WFDC10B: variants seen among roughly 807,000 people sequenced by gnomAD.
The protein encoded by WFDC10B is protein WFDC10B.
In WFDC10B, 1 loss-of-function variant was observed where a neutral mutation model predicts 2.7. The ratio of observed to expected loss-of-function variants is 0.38; its 90% confidence interval spans 0.13 to 1.79. The LOEUF (loss-of-function observed/expected upper bound fraction) is 1.79. Among genes scored for constraint, WFDC10B ranks in the 40% most tolerant of loss-of-function variants. The pLI, the probability that WFDC10B is intolerant of heterozygous loss-of-function variation, is 0.33. For missense variants in WFDC10B, 71 were observed against 87.8 expected (o/e 0.81, Z 0.76); for synonymous variants, 26 against 32.2 (o/e 0.81, Z 0.65).
intron 2 of WFDC10B, among the ~76,000 whole-genome samples, chr20:45,703,371 A>T (rs1175714368): frequency 6.6e-6 from 1 of 152,128 alleles, no homozygotes. Flanking sequence ...TTTTACCCCA[A>T]TTCTGGTGCC....
intron 2 of WFDC10B, among the ~76,000 whole-genome samples, chr20:45,697,715 A>AT (rs1212431850): frequency 6.7e-6 from 1 of 149,558 alleles, no homozygotes; most frequent in Non-Finnish European, 1.5e-5. Context: ...TGCAATTCCA[A>AT]TCAAGTTCCA....
chr20:45,704,487 CTG>C lies in WFDC10B; in HGVS notation c.-65+8_-65+9del. On this transcript the variant is annotated splice_region_variant and intron_variant, in intron 2 of 3. Coordinates refer to ENST00000330523, the MANE Select transcript of WFDC10B (RefSeq NM_172006.2). ...CACCCTGCATATCAGCACCTGAAAA[CTG>C]TACTCACCTGTGTACAATGCAGGAA... 2 of 1,614,092 alleles carry C rather than the reference CTG, an allele frequency of 1.2e-6. No homozygotes were observed. The highest frequency in any genetic ancestry group is 1.7e-6 in the Non-Finnish European group (2 of 1,179,990).
In WFDC10B at chr20:45,695,437, AC is replaced by A. The variant is rs370025161; in HGVS notation, c.-65+9059del. Among the ~76,000 whole-genome samples, 487 of 152,308 alleles carry A rather than the reference AC, an allele frequency of 3.2e-3. 3 individuals carry two copies. Among genetic ancestry groups the A allele is most frequent in the South Asian group, 0.011 (53 of 4,822 alleles). On this transcript the variant is annotated intron_variant, in intron 2 of 3. Coordinates refer to ENST00000330523, the MANE Select transcript of WFDC10B (RefSeq NM_172006.2). ...AAACAACACTATAAACCTAAGACAG[AC>A]CTAAGACAAGAAGAGAATGCATATT...
At chr20:45,685,584 C>A (rs998395321) in intron 3 of WFDC10B, among the ~76,000 whole-genome samples, 2 of 152,232 alleles carry the variant, frequency 1.3e-5, no homozygotes, top group South Asian at 2.1e-4. Context: ...GTGCATAAAT[C>A]AAAGAATAAT....
chr20:45,699,425 A>G (rs1054917215), intron 2 of WFDC10B, among the ~76,000 whole-genome samples: 1 of 152,252 alleles, frequency 6.6e-6, no homozygotes, highest in Non-Finnish European at 1.5e-5. Flanking sequence ...ATATATATAT[A>G]TACAATGGAG....
At chr20:45,691,673 T>A (rs1289625386) in intron 2 of WFDC10B, among the ~76,000 whole-genome samples, 1 of 152,176 alleles carries the variant, frequency 6.6e-6, no homozygotes, top group Non-Finnish European at 1.5e-5. Flanking sequence ...TGCCTTTTTT[T>A]ATTTTCCATT....
At chr20:45,688,848 G>C (rs1334872202) in intron 2 of WFDC10B, among the ~76,000 whole-genome samples, 3 of 152,232 alleles carry the variant, frequency 2.0e-5, no homozygotes, top group African/African-American at 7.2e-5. Context: ...AGTTTAATTA[G>C]ATCCCATTTG....
chr20:45,704,779 C>G, intron 1 of WFDC10B, 139 bp downstream of exon 1: 1 of 1,274,162 alleles, frequency 7.8e-7, no homozygotes, highest in Non-Finnish European at 1.1e-6. Flanking sequence ...TAGAAAAGCC[C>G]TCCTCCCCTC....
At chr20:45,694,727 C>T (rs1032179775) in intron 2 of WFDC10B, among the ~76,000 whole-genome samples, 1 of 152,114 alleles carries the variant, frequency 6.6e-6, no homozygotes, top group African/African-American at 2.4e-5. Context: ...TCGATTCCAC[C>T]TCAGTTTCTG....
Position 45,693,762 on chromosome 20 carries a change from C to T in WFDC10B, c.-64-7706G>A, listed in dbSNP as rs145272732. ...TTTCTTTGACTAGGAAAAGGAACTC[C>T]CTGACCCCTTGCGCTTCCCGAGTGA... On this transcript the variant is annotated intron_variant, in intron 2 of 3. Coordinates refer to ENST00000330523, the MANE Select transcript of WFDC10B (RefSeq NM_172006.2). Among the ~76,000 whole-genome samples the T allele has an allele frequency of 3.1e-3, 473 of 152,324 alleles. 1 individual carries two copies. The highest frequency in any genetic ancestry group is 0.011 in the African/African-American group (449 of 41,578).
intron 2 of WFDC10B, among the ~76,000 whole-genome samples, chr20:45,690,191 C>G (rs529043029): frequency 1.1e-3 from 167 of 150,312 alleles, no homozygotes; most frequent in Non-Finnish European, 1.7e-3. Flanking sequence ...GGATGAAGCC[C>G]ACTTGATCAT....
At chr20:45,702,718 G>A (rs906184440) in intron 2 of WFDC10B, among the ~76,000 whole-genome samples, 1 of 152,146 alleles carries the variant, frequency 6.6e-6, no homozygotes, top group Admixed American at 6.5e-5. Context: ...AACTCCAGAG[G>A]TACTGTACAA....
intron 3 of WFDC10B, 44 bp downstream of exon 3, chr20:45,685,858 C>T: frequency 6.2e-7 from 1 of 1,608,126 alleles, no homozygotes; most frequent in Non-Finnish European, 8.5e-7. Context: ...CCTCCATTCC[C>T]CCTACCCAAC....
chr20:45,686,272 A>C (rs6104289), intron 2 of WFDC10B, among the ~76,000 whole-genome samples: 4 of 152,144 alleles, frequency 2.6e-5, no homozygotes, highest in Non-Finnish European at 5.9e-5. Flanking sequence ...TTCTTTTCCA[A>C]AAGGTACTCT....
At chr20:45,688,433 C>G (rs1224389588) in intron 2 of WFDC10B, among the ~76,000 whole-genome samples, 1 of 151,838 alleles carries the variant, frequency 6.6e-6, no homozygotes, top group African/African-American at 2.4e-5. Flanking sequence ...AGTTCTAGAT[C>G]CCTGAGGAAT....
intron 2 of WFDC10B, among the ~76,000 whole-genome samples, chr20:45,686,698 T>A (rs1983633643): frequency 6.6e-6 from 1 of 151,508 alleles, no homozygotes; most frequent in Admixed American, 6.6e-5. Flanking sequence ...AGAGTCTCAC[T>A]CCACACCAGG....
intron 2 of WFDC10B, among the ~76,000 whole-genome samples, chr20:45,689,151 A>C (rs1326671141): frequency 6.8e-6 from 1 of 147,664 alleles, no homozygotes; most frequent in Non-Finnish European, 1.5e-5. Flanking sequence ...AGATAGTTGT[A>C]GATATGTGGC....
At chr20:45,687,333 G>A (rs1983653445) in intron 2 of WFDC10B, among the ~76,000 whole-genome samples, 1 of 152,154 alleles carries the variant, frequency 6.6e-6, no homozygotes, top group Admixed American at 6.5e-5. Flanking sequence ...TCCTTGCAAA[G>A]AACATGATCT....
chr20:45,692,912 CAG>C (rs1410743612), intron 2 of WFDC10B, among the ~76,000 whole-genome samples: 1 of 152,256 alleles, frequency 6.6e-6, no homozygotes, highest in African/African-American at 2.4e-5. Flanking sequence ...CTGTGCTTTT[CAG>C]AGTTTCCAGT....
Sources: gnomAD v4.1 joint callset for allele counts (sites outside exome capture counted in the v4.1 genomes callset) on GRCh38, gnomAD v4.1.1 for gene constraint, MANE v1.5 for transcripts, NCBI Gene and HGNC (gene_info 2026-07-23, HGNC 2026-07-21) for gene names.